Variants in GLRA3 observed in about 807,000 individuals in gnomAD.
GLRA3 encodes the protein glycine receptor subunit alpha-3.
GLRA3 carries 44 observed loss-of-function variants against 60.4 expected under a neutral mutation model. The ratio of observed to expected loss-of-function variants is 0.73; its 90% confidence interval spans 0.57 to 0.94. The LOEUF (loss-of-function observed/expected upper bound fraction) is 0.94. Ranked by LOEUF, GLRA3 falls within the 40% of genes least tolerant of loss-of-function variation. GLRA3 has a pLI of 0.00. For missense variants in GLRA3, 508 were observed against 564.6 expected (o/e 0.90, Z 1.02); for synonymous variants, 223 against 192.9 (o/e 1.16, Z -1.29).
chr4:174,715,108 G>T (rs1335676021), intron 5 of GLRA3, among the ~76,000 whole-genome samples: 1 of 152,144 alleles, frequency 6.6e-6, no homozygotes, highest in Non-Finnish European at 1.5e-5. Context: ...AAAACGTAGG[G>T]ATAACAATAT....
intron 4 of GLRA3, among the ~76,000 whole-genome samples, chr4:174,719,149 G>A (rs1736045129): frequency 6.6e-6 from 1 of 151,134 alleles, no homozygotes; most frequent in African/African-American, 2.4e-5. Flanking sequence ...ATTTTTAGTA[G>A]AGACGGGGTT....
At chr4:174,725,519 T>G (rs1017714591) in intron 4 of GLRA3, among the ~76,000 whole-genome samples, 2 of 152,154 alleles carry the variant, frequency 1.3e-5, no homozygotes, top group Non-Finnish European at 2.9e-5. Flanking sequence ...CTTGCTTTTT[T>G]ACCCAGGCTG....
chr4:174,695,982 A>AT, intron 5 of GLRA3, among the ~76,000 whole-genome samples: 1 of 152,128 alleles, frequency 6.6e-6, no homozygotes, highest in Non-Finnish European at 1.5e-5. Flanking sequence ...AGGCAATTCA[A>AT]TTTACAATTG....
chr4:174,811,278 G>A (rs1372962609), intron 1 of GLRA3, among the ~76,000 whole-genome samples: 7 of 149,216 alleles, frequency 4.7e-5, no homozygotes, highest in Non-Finnish European at 7.4e-5. Context: ...TAATAAAAAC[G>A]TTCAGCTACC....
At chr4:174,814,111 C>T (rs1740383678) in intron 1 of GLRA3, among the ~76,000 whole-genome samples, 1 of 152,140 alleles carries the variant, frequency 6.6e-6, no homozygotes, top group Non-Finnish European at 1.5e-5. Context: ...TTACAGTGTG[C>T]TCTTTTAGCT....
At chr4:174,746,371 T>G (rs7684841) in intron 3 of GLRA3, among the ~76,000 whole-genome samples, 24,051 of 152,100 alleles carry the variant, frequency 0.16, 2,489 homozygotes, top group African/African-American at 0.3. Context: ...AGGTCATTCT[T>G]TTAAGTGAAA....
At chr4:174,721,550 A>G (rs1234861724) in intron 4 of GLRA3, among the ~76,000 whole-genome samples, 3 of 151,648 alleles carry the variant, frequency 2.0e-5, no homozygotes, top group African/African-American at 7.3e-5. Flanking sequence ...AGAATGAGGC[A>G]CTAAAAACTA....
At chr4:174,648,490 T>C (rs1419143202) in intron 9 of GLRA3, among the ~76,000 whole-genome samples, 1 of 152,006 alleles carries the variant, frequency 6.6e-6, no homozygotes, top group Non-Finnish European at 1.5e-5. Context: ...AATCAATCAA[T>C]CTCTGCTGAG....
chr4:174,693,199 T>C (rs1374829017), intron 5 of GLRA3, among the ~76,000 whole-genome samples: 1 of 152,206 alleles, frequency 6.6e-6, no homozygotes, highest in Non-Finnish European at 1.5e-5. Context: ...TTGTTGCAAT[T>C]GCTTTTGGTG....
chr4:174,726,701 C>T (rs533908559), intron 4 of GLRA3, among the ~76,000 whole-genome samples: 2 of 152,228 alleles, frequency 1.3e-5, no homozygotes, highest in East Asian at 3.9e-4. Context: ...TGCTTATATC[C>T]ACCACTGGGC....
intron 2 of GLRA3, among the ~76,000 whole-genome samples, chr4:174,786,516 T>C (rs762425618): frequency 1.3e-5 from 2 of 152,186 alleles, no homozygotes; most frequent in African/African-American, 4.8e-5. Context: ...ATCCTCCTGA[T>C]AGCCGTAAGG....
intron 2 of GLRA3, among the ~76,000 whole-genome samples, chr4:174,781,090 A>G (rs1738848179): frequency 6.6e-6 from 1 of 152,194 alleles, no homozygotes; most frequent in Non-Finnish European, 1.5e-5. Flanking sequence ...CAAATGTAAA[A>G]GAACAGAGAT....
chr4:174,689,756 TAAAAA>T lies in GLRA3; in HGVS notation c.575-6822_575-6818del, dbSNP rs553306775. On this transcript the variant is annotated intron_variant, in intron 5 of 9. Transcript: ENST00000274093. ...AAAGGCACAGAGTGGTAAGTCGCATTAAAAAAAAAAAAAAAAAAAAAAAAAAAAAG... is the reference window on the plus strand; with the variant it reads ...AAAGGCACAGAGTGGTAAGTCGCATTAAAAAAAAAAAAAAAAAAAAAAAAG... Among the ~76,000 whole-genome samples the T allele has an allele frequency of 3.6e-3, 144 of 39,540 alleles. 1 individual carries two copies. The highest frequency in any genetic ancestry group is 0.028 in the Middle Eastern group (1 of 36). 25.9% of individuals were successfully genotyped at this position (39,540 alleles called of 152,430 possible).
intron 2 of GLRA3, among the ~76,000 whole-genome samples, chr4:174,769,709 T>G (rs1378042270): frequency 6.6e-6 from 1 of 152,048 alleles, no homozygotes; most frequent in African/African-American, 2.4e-5. Flanking sequence ...TCTTTCTTGG[T>G]TTATTTCTTC....
intron 1 of GLRA3, among the ~76,000 whole-genome samples, chr4:174,815,657 ACAACAGCC>A: frequency 6.6e-6 from 1 of 152,282 alleles, no homozygotes; most frequent in Middle Eastern, 3.4e-3. Flanking sequence ...ACCCTCTGAA[ACAACAGCC>A]CAAGCTGTAC....
intron 1 of GLRA3, among the ~76,000 whole-genome samples, chr4:174,794,575 C>G (rs1739485088): frequency 6.6e-6 from 1 of 152,174 alleles, no homozygotes; most frequent in African/African-American, 2.4e-5. Flanking sequence ...AACAAGCACT[C>G]TCAGCACCCA....
intron 3 of GLRA3, among the ~76,000 whole-genome samples, chr4:174,760,829 T>G (rs1399930303): frequency 6.6e-6 from 1 of 152,122 alleles, no homozygotes; most frequent in African/African-American, 2.4e-5. Context: ...ACAACCTACA[T>G]GTCTAGCAAA....
chr4:174,738,278 G>GA (rs1429988198), intron 3 of GLRA3, among the ~76,000 whole-genome samples: 2 of 152,158 alleles, frequency 1.3e-5, no homozygotes, highest in Non-Finnish European at 1.5e-5. Context: ...AACTGAATAA[G>GA]ACATATATAA....
intron 2 of GLRA3, among the ~76,000 whole-genome samples, chr4:174,769,127 A>C (rs944947340): frequency 2.0e-5 from 3 of 152,002 alleles, no homozygotes; most frequent in South Asian, 4.2e-4. Context: ...TTAATCATCA[A>C]TTCTTCGGAT....
Sources: allele counts gnomAD v4.1 joint callset (sites outside exome capture counted in the v4.1 genomes callset), GRCh38; gene constraint gnomAD v4.1.1; transcripts MANE v1.5; gene names NCBI Gene and HGNC (gene_info 2026-07-23, HGNC 2026-07-21).